FAR2: variants seen among roughly 807,000 people sequenced by gnomAD.
FAR2 encodes the protein fatty acyl-CoA reductase 2.
Under a neutral mutation model 56.0 loss-of-function variants are expected in FAR2, and 19 were observed. The ratio of observed to expected loss-of-function variants is 0.34; its 90% CI spans 0.24 to 0.50. FAR2 has a LOEUF of 0.50. Ranked by LOEUF, FAR2 falls within the 20% of genes least tolerant of loss-of-function variation. FAR2 has a pLI of 0.98. For synonymous variants in FAR2, 219 were observed against 218.8 expected, an observed-to-expected ratio of 1.00 and a Z score of -0.01; for missense variants, 508 against 642.2, an observed-to-expected ratio of 0.79 and a Z score of 2.26.
At chr12:29,318,980 T>C (rs1454260110) in intron 9 of FAR2, among the ~76,000 whole-genome samples, 1 of 151,850 alleles carries the variant, frequency 6.6e-6, no homozygotes, top group African/African-American at 2.4e-5. Context: ...AAGTCTTTTT[T>C]TTTTCTTTTT....
At chr12:29,307,412 C>T (rs1307556201) in intron 4 of FAR2, among the ~76,000 whole-genome samples, 1 of 112,012 alleles carries the variant, frequency 8.9e-6, no homozygotes, top group Non-Finnish European at 2.0e-5. Context: ...TGCCTGCCTA[C>T]CTACCTACCT....
chr12:29,320,157 T>C (rs977482849), intron 9 of FAR2, among the ~76,000 whole-genome samples: 7 of 152,124 alleles, frequency 4.6e-5, no homozygotes, highest in Admixed American at 1.3e-4. Flanking sequence ...CAGTGAGTCA[T>C]GATTGAGCCA....
chr12:29,164,742 G>C (rs1949810912), intron 1 of FAR2, among the ~76,000 whole-genome samples: 1 of 152,196 alleles, frequency 6.6e-6, no homozygotes, highest in Non-Finnish European at 1.5e-5. Flanking sequence ...ACTTTGACGA[G>C]TCTTAGACTG....
intron 1 of FAR2, among the ~76,000 whole-genome samples, chr12:29,159,463 A>G (rs1028176509): frequency 6.6e-6 from 1 of 151,180 alleles, no homozygotes; most frequent in East Asian, 2.0e-4. Context: ...GTGTGAATCC[A>G]GGAGGCAGAG....
intron 1 of FAR2, among the ~76,000 whole-genome samples, chr12:29,174,748 C>T (rs1407245161): frequency 6.6e-6 from 1 of 152,054 alleles, no homozygotes; most frequent in East Asian, 1.9e-4. Context: ...TGGAACTAGC[C>T]TCGGAGAAGA....
chr12:29,316,820 C>T, intron 8 of FAR2, 21 bp from the exon 9 acceptor site: 2 of 1,613,092 alleles, frequency 1.2e-6, no homozygotes, highest in Non-Finnish European at 1.7e-6. Context: ...TCCTCTAGCA[C>T]TTACTTTCTT....
chr12:29,323,663 C>G (rs937443037), intron 10 of FAR2, among the ~76,000 whole-genome samples: 3 of 152,178 alleles, frequency 2.0e-5, no homozygotes, highest in Non-Finnish European at 4.4e-5. Flanking sequence ...CCAGTAAACT[C>G]CAACAGACCT....
chr12:29,300,169 C>T (rs111488782), intron 4 of FAR2, among the ~76,000 whole-genome samples: 7 of 152,314 alleles, frequency 4.6e-5, no homozygotes, highest in African/African-American at 1.7e-4. Context: ...GAATAGATGA[C>T]AGAATTCTGT....
intron 1 of FAR2, among the ~76,000 whole-genome samples, chr12:29,178,294 A>C (rs1345793793): frequency 1.3e-5 from 2 of 152,176 alleles, no homozygotes; most frequent in African/African-American, 4.8e-5. Context: ...GCCCATAAAT[A>C]ATTTTGTTTT....
At chr12:29,276,634 C>T (rs1409131516) in intron 2 of FAR2, among the ~76,000 whole-genome samples, 2 of 152,080 alleles carry the variant, frequency 1.3e-5, no homozygotes, top group Non-Finnish European at 2.9e-5. Context: ...AGAATGCTAT[C>T]GCTGATTGGC....
At chr12:29,296,103 AATTATAGTAC>A (rs1262663472) in intron 3 of FAR2, among the ~76,000 whole-genome samples, 2 of 152,224 alleles carry the variant, frequency 1.3e-5, no homozygotes, top group African/African-American at 4.8e-5. Context: ...CACCTTACTG[AATTATAGTAC>A]ATTTCAGTTT....
intron 4 of FAR2, among the ~76,000 whole-genome samples, chr12:29,303,780 C>T (rs1591949920): frequency 6.6e-6 from 1 of 152,218 alleles, no homozygotes; most frequent in South Asian, 2.1e-4. Context: ...GGCACAGCTT[C>T]AAAATGACAT....
chr12:29,259,513 CTAAAGAA>C (rs1286137588), intron 1 of FAR2, among the ~76,000 whole-genome samples: 1 of 152,132 alleles, frequency 6.6e-6, no homozygotes, highest in African/African-American at 2.4e-5. Flanking sequence ...TAAGAACCAC[CTAAAGAA>C]TAAAGTTCCC....
intron 10 of FAR2, among the ~76,000 whole-genome samples, chr12:29,329,516 T>C (rs922467370): frequency 1.9e-4 from 29 of 152,310 alleles, no homozygotes; most frequent in Middle Eastern, 3.4e-3. Context: ...TGAATTGCCA[T>C]ATGGAATCAG....
chr12:29,257,902 G>T (rs1051042818), intron 1 of FAR2, among the ~76,000 whole-genome samples: 5 of 152,174 alleles, frequency 3.3e-5, no homozygotes, highest in Non-Finnish European at 7.3e-5. Context: ...GATTACAGAC[G>T]TGAGACATCA....
chr12:29,273,673 C>T (rs563392455), intron 2 of FAR2, among the ~76,000 whole-genome samples: 29 of 152,340 alleles, frequency 1.9e-4, no homozygotes, highest in Admixed American at 1.2e-3. Context: ...AGCCAGGGCT[C>T]GTCGCCCCTC....
At chr12:29,186,672 G>T (rs544860139) in intron 1 of FAR2, among the ~76,000 whole-genome samples, 1 of 151,902 alleles carries the variant, frequency 6.6e-6, no homozygotes, top group South Asian at 2.1e-4. Context: ...TGCCCTAATT[G>T]CTTTCATTAT....
chr12:29,258,810 G>A (rs1948370869), intron 1 of FAR2, among the ~76,000 whole-genome samples: 1 of 152,170 alleles, frequency 6.6e-6, no homozygotes, highest in African/African-American at 2.4e-5. Context: ...AGATTTGGTT[G>A]AATGAAATTG....
At chr12:29,281,742 T>TAA (rs71042976) in intron 2 of FAR2, among the ~76,000 whole-genome samples, 6 of 143,364 alleles carry the variant, frequency 4.2e-5, no homozygotes, top group Admixed American at 7.1e-5. Flanking sequence ...CAACATCACC[T>TAA]AAAAAAAAAA....
Sources: allele counts gnomAD v4.1 joint callset (sites outside exome capture counted in the v4.1 genomes callset), GRCh38; gene constraint gnomAD v4.1.1; transcripts MANE v1.5; gene names NCBI Gene and HGNC (gene_info 2026-07-23, HGNC 2026-07-21).